The following EGFR variants were observed in gnomAD, a reference collection of about 807,000 sequenced individuals.
EGFR encodes avian erythroblastic leukemia viral (v-erb-b) oncogene homolog.
A neutral mutation model predicts 143.0 loss-of-function variants in EGFR; 58 were observed. The ratio of observed to expected loss-of-function variants is 0.41; its 90% CI spans 0.33 to 0.50. The LOEUF (loss-of-function observed/expected upper bound fraction) is 0.50. EGFR is among the 20% of genes least tolerant of loss of function. The pLI, the probability that EGFR is intolerant of heterozygous loss-of-function variation, is 0.39. For synonymous variants in EGFR, 613 were observed against 594.4 expected (o/e 1.03, Z -0.45); for missense variants, 1,307 against 1,579.0 (o/e 0.83, Z 2.92).
chr7:55,078,081 A>C (rs1386443577), intron 1 of EGFR, among the ~76,000 whole-genome samples: 2 of 152,154 alleles, frequency 1.3e-5, no homozygotes, highest in African/African-American at 2.4e-5. Context: ...AGGGAAGAAG[A>C]AGCTCCTGCA....
chr7:55,096,548 T>C (rs1313782310), intron 1 of EGFR, among the ~76,000 whole-genome samples: 1 of 152,108 alleles, frequency 6.6e-6, no homozygotes, highest in Non-Finnish European at 1.5e-5. Flanking sequence ...ATTTTACTTC[T>C]AGGAAGACAG....
intron 1 of EGFR, among the ~76,000 whole-genome samples, chr7:55,089,939 C>CTTCTTTAT (rs1044973285): frequency 6.9e-6 from 1 of 145,100 alleles, no homozygotes; most frequent in African/African-American, 2.6e-5. Context: ...GGTGATGCTA[C>CTTCTTTAT]TTATTTATTT....
chr7:55,049,517 T>C (rs1788362518), intron 1 of EGFR, among the ~76,000 whole-genome samples: 1 of 152,126 alleles, frequency 6.6e-6, no homozygotes, highest in Admixed American at 6.5e-5. Context: ...GGGATCCTTC[T>C]TTGGTAATTC....
intron 22 of EGFR, among the ~76,000 whole-genome samples, chr7:55,196,178 A>ATTTTT (rs61541412): frequency 3.4e-5 from 3 of 88,126 alleles, no homozygotes; most frequent in South Asian, 4.8e-4. Context: ...ATGTGTTGGG[A>ATTTTT]TTTTTTTTTT....
intron 1 of EGFR, among the ~76,000 whole-genome samples, chr7:55,131,709 A>C (rs1048416840): frequency 1.1e-4 from 16 of 152,082 alleles, no homozygotes; most frequent in Admixed American, 1.0e-3. Flanking sequence ...CAGTACTGAG[A>C]GTTGCATGTT....
chr7:55,149,907 A>G (rs1038476357), intron 4 of EGFR, among the ~76,000 whole-genome samples: 3 of 152,232 alleles, frequency 2.0e-5, no homozygotes, highest in Admixed American at 6.5e-5. Context: ...TTTTAAGGTT[A>G]TAACACAATG....
intron 1 of EGFR, among the ~76,000 whole-genome samples, chr7:55,104,664 C>T (rs965628793): frequency 1.4e-4 from 21 of 152,226 alleles, no homozygotes; most frequent in African/African-American, 5.1e-4. Context: ...AAGCTCTGCC[C>T]TGCCTGGCTT....
At chr7:55,150,993 A>C (rs1458848751) in intron 4 of EGFR, among the ~76,000 whole-genome samples, 2 of 152,244 alleles carry the variant, frequency 1.3e-5, no homozygotes, top group African/African-American at 4.8e-5. Flanking sequence ...CTCCAAGCCT[A>C]AGCAGATTGT....
At chr7:55,087,928 A>G (rs1045305185) in intron 1 of EGFR, among the ~76,000 whole-genome samples, 1 of 152,180 alleles carries the variant, frequency 6.6e-6, no homozygotes, top group Non-Finnish European at 1.5e-5. Flanking sequence ...GGGCCTTCTT[A>G]ATTCCTTCAT....
At chr7:55,172,695 A>G (rs781448210) in intron 16 of EGFR, 10 of 638,524 alleles carry the variant, frequency 1.6e-5, no homozygotes, top group Non-Finnish European at 2.4e-5. Flanking sequence ...ATATTTTGTT[A>G]ATCAACAAAT....
At chr7:55,081,717 C>A (rs902936716) in intron 1 of EGFR, among the ~76,000 whole-genome samples, 1 of 130,004 alleles carries the variant, frequency 7.7e-6, no homozygotes, top group Non-Finnish European at 1.7e-5. Context: ...TTGTTTTAGA[C>A]TGGTTTTTTT....
intron 19 of EGFR, chr7:55,180,999 C>T (rs970484927): frequency 1.9e-6 from 1 of 528,870 alleles, no homozygotes; most frequent in African/African-American, 1.9e-5. Context: ...GATCAGGTGA[C>T]TCCGACTCCT....
At chr7:55,040,200 G>A (rs1013558796) in intron 1 of EGFR, among the ~76,000 whole-genome samples, 12 of 152,180 alleles carry the variant, frequency 7.9e-5, no homozygotes, top group African/African-American at 2.7e-4. Flanking sequence ...GAGGTCAGAA[G>A]GAGGATCCCC....
chr7:55,042,616 T>C (rs762679716), intron 1 of EGFR, among the ~76,000 whole-genome samples: 7 of 152,010 alleles, frequency 4.6e-5, no homozygotes, highest in Non-Finnish European at 8.8e-5. Flanking sequence ...TCACTCTACG[T>C]ATGTGCACGA....
intron 20 of EGFR, among the ~76,000 whole-genome samples, chr7:55,185,803 T>C (rs1015757094): frequency 6.6e-6 from 1 of 152,214 alleles, no homozygotes; most frequent in African/African-American, 2.4e-5. Context: ...ACCACAACTG[T>C]ATAAGCACCA....
intron 11 of EGFR, among the ~76,000 whole-genome samples, chr7:55,159,256 G>T (rs1024990368): frequency 3.9e-5 from 6 of 152,052 alleles, no homozygotes; most frequent in Admixed American, 3.3e-4. Flanking sequence ...GGGGCTTAGT[G>T]GTTCTTATAC....
intron 15 of EGFR, chr7:55,170,408 C>G (rs930293960): frequency 6.2e-7 from 1 of 1,614,024 alleles, no homozygotes; most frequent in African/African-American, 1.3e-5. Flanking sequence ...AGCGGGAGCC[C>G]AGCTGCTCAG....
At chr7:55,161,315 T>C (rs529436819) in intron 12 of EGFR, among the ~76,000 whole-genome samples, 184 bp from the exon 13 acceptor site, 1 of 152,364 alleles carries the variant, frequency 6.6e-6, no homozygotes, top group East Asian at 1.9e-4. Flanking sequence ...AACTACTTTG[T>C]CCTTCCAGTC....
At position 55,152,578 on chromosome 7, in the gene EGFR, G is replaced by T. The variant is rs776886714; in HGVS notation, c.661G>T (p.Gly221Trp). 9.3e-6 allele frequency: 15 copies of T among 1,613,830 alleles called. No individual in the cohort carries two copies. Among genetic ancestry groups the T allele is most frequent in the Non-Finnish European group, 1.3e-5 (15 of 1,180,030 alleles). Residue 221 changes from glycine to tryptophan, a missense_variant, in exon 6 of 28, where the codon GGG becomes TGG. Physicochemically the swap from Gly to Trp is radical, Grantham distance 184 (BLOSUM62 -2). Transcript: ENST00000275493. ...AATCATCTGTGCCCAGCAGTGCTCC[G>T]GGCGCTGCCGTGGCAAGTCCCCCAG... ...TKIICAQQCS[G>W]RCRGKSPSDC...
Sources: gnomAD v4.1 joint callset for allele counts (sites outside exome capture counted in the v4.1 genomes callset) on GRCh38, gnomAD v4.1.1 for gene constraint, MANE v1.5 for transcripts, NCBI Gene and HGNC (gene_info 2026-07-23, HGNC 2026-07-21) for gene names.